CACNA1C: variants seen among roughly 807,000 people sequenced by gnomAD.
CACNA1C encodes the protein calcium voltage-gated channel subunit alpha1 C, also known as voltage-dependent L-type calcium channel subunit alpha-1C.
CACNA1C carries 30 observed loss-of-function variants against 229.0 expected under a neutral mutation model. The ratio of observed to expected loss-of-function variants is 0.13; its 90% CI spans 0.10 to 0.18. CACNA1C has a LOEUF of 0.18. CACNA1C is among the 10% of genes least tolerant of loss of function. The pLI, the probability that CACNA1C is intolerant of heterozygous loss-of-function variation, is 1.00. For synonymous variants in CACNA1C, 1,114 were observed against 1,132.5 expected, an observed-to-expected ratio of 0.98 and a Z score of 0.33; for missense variants, 1,658 against 2,845.0, an observed-to-expected ratio of 0.58 and a Z score of 9.49.
In CACNA1C at chr12:2,034,292, A is replaced by G. The variant is rs2048724056; in HGVS notation, c.139+63091A>G. The stretch of plus-strand genomic sequence containing the variant: ...GATCCAAGGCCGTGTTCCTTTTTGT[A>G]AGCCTCCCTGGTGTGTGGAAGGGAG... On this transcript the variant is annotated intron_variant, in intron 1 of 46. Coordinates refer to the CACNA1C transcript ENST00000682462. This position sits in a 1 kb window ranked among gnomAD's most constrained non-coding sequence, Gnocchi z 4.1. Among the ~76,000 whole-genome samples the G allele has an allele frequency of 6.6e-6, 1 of 152,172 alleles. No individual in the cohort carries two copies. Among genetic ancestry groups the G allele is most frequent in the Non-Finnish European group, 1.5e-5 (1 of 68,028 alleles).
chr12:2,144,872 T>C (rs1373406864), intron 3 of CACNA1C, among the ~76,000 whole-genome samples: 1 of 151,192 alleles, frequency 6.6e-6, no homozygotes, highest in African/African-American at 2.4e-5. Flanking sequence ...CAAATCTTCA[T>C]GGGGAGTAGA....
intron 37 of CACNA1C, 61 bp from the exon 38 acceptor site, chr12:2,668,872 T>G: frequency 9.3e-7 from 1 of 1,079,302 alleles, no homozygotes; most frequent in South Asian, 1.3e-5. Flanking sequence ...TGCCACGGTG[T>G]TCTGCGGTCC....
chr12:2,232,623 C>T (rs1001543700), intron 3 of CACNA1C, among the ~76,000 whole-genome samples: 5 of 152,022 alleles, frequency 3.3e-5, no homozygotes, highest in African/African-American at 7.3e-5. Flanking sequence ...AAGCTTTTGC[C>T]CATAGTTTTA....
chr12:1,999,869 A>G (rs2041792080), intron 1 of CACNA1C, among the ~76,000 whole-genome samples: 1 of 152,252 alleles, frequency 6.6e-6, no homozygotes, highest in Admixed American at 6.5e-5. Flanking sequence ...ACTGTGAAAC[A>G]TATCCTTATT....
chr12:2,222,659 T>C (rs2061774202), intron 3 of CACNA1C, among the ~76,000 whole-genome samples: 1 of 152,196 alleles, frequency 6.6e-6, no homozygotes, highest in Non-Finnish European at 1.5e-5. Flanking sequence ...TTGCCTGGTG[T>C]ACATCTCATG....
intron 32 of CACNA1C, among the ~76,000 whole-genome samples, chr12:2,652,245 G>A (rs1228223368): frequency 6.6e-6 from 1 of 152,198 alleles, no homozygotes; most frequent in African/African-American, 2.4e-5. Flanking sequence ...CTCGGCCAGA[G>A]TCGCAGGACC....
rs138036492 is a variant in CACNA1C at position 2,431,468 on chromosome 12, C to T, written c.478-17508C>T. 1.2e-3 allele frequency among the ~76,000 whole-genome samples: 179 copies of T among 152,264 alleles called. 1 individual carries two copies. Among genetic ancestry groups the T allele is most frequent in the Non-Finnish European group, 1.9e-3 (126 of 68,020 alleles). On this transcript the variant is annotated intron_variant, in intron 3 of 46. Transcript: ENST00000399655. ...TGCCACAGCTTGCTCCTTGCCCTTG[C>T]TATGTTTCCAGAGGGAGAAAAAACA...
At position 2,634,370 on chromosome 12, in the gene CACNA1C, C is replaced by T; in HGVS notation, c.3902C>T (p.Thr1301Ile). 6.4e-7 allele frequency: 1 copy of T among 1,569,116 alleles called. No homozygotes were observed. The highest frequency in any genetic ancestry group is 8.7e-7 in the Non-Finnish European group (1 of 1,151,166). The stretch of plus-strand genomic sequence containing the variant: ...GGTAGCATTGTTGATATAGCAATCA[C>T]CGAGGTAAACGTAAGTACATGGCGT... ...VVGSIVDIAI[T>I]EVNPAEHTQC... Residue 1301 changes from threonine to isoleucine, a missense_variant, in exon 30 of 47, where the codon ACC becomes ATC. Thr to Ile is a moderately conservative substitution (Grantham distance 89). Transcript: ENST00000399655.
At chr12:2,273,454 G>T (rs1240983324) in intron 3 of CACNA1C, among the ~76,000 whole-genome samples, 2 of 152,164 alleles carry the variant, frequency 1.3e-5, no homozygotes, top group African/African-American at 2.4e-5. Flanking sequence ...TACAGGGCTG[G>T]CAGAGAAGAA....
At chr12:2,343,019 AAAAC>A (rs1302597114) in intron 3 of CACNA1C, among the ~76,000 whole-genome samples, 3 of 152,374 alleles carry the variant, frequency 2.0e-5, no homozygotes, top group South Asian at 2.1e-4. Context: ...TAAAAGAGAA[AAAAC>A]AAACAAGCAA....
chr12:2,280,254 CGGTTT>C, intron 3 of CACNA1C, among the ~76,000 whole-genome samples: 1 of 90,890 alleles, frequency 1.1e-5, no homozygotes, highest in Non-Finnish European at 2.0e-5. Flanking sequence ...TGCTGTGCTT[CGGTTT>C]AACCTCTTGA....
rs543167099 is a variant in CACNA1C at position 2,148,798 on chromosome 12, G to A, written c.477+28368G>A. On this transcript the variant is annotated intron_variant, in intron 3 of 46. Coordinates refer to ENST00000399655, the MANE Select transcript of CACNA1C (RefSeq NM_000719.7). ...CGGGCTCAAGCTGTCCTCCTGCCTC[G>A]ACCTCCAAAGTACCCTCCCTCCCTG... Among the ~76,000 whole-genome samples the A allele has an allele frequency of 7.8e-5, 11 of 141,402 alleles. No individual in the cohort carries two copies. The South Asian group carries it at 2.2e-3, about 29-fold the overall frequency. The allele number at this position is 141,402 out of a possible 152,430, so 92.8% of individuals were successfully genotyped here.
At chr12:2,210,513 A>C (rs2097887625) in intron 3 of CACNA1C, among the ~76,000 whole-genome samples, 1 of 152,178 alleles carries the variant, frequency 6.6e-6, no homozygotes, top group Non-Finnish European at 1.5e-5. Flanking sequence ...TCCAACCTGA[A>C]GTCTGGGAAA....
At position 2,348,015 on chromosome 12, in the gene CACNA1C, G is replaced by A. The variant is rs1254377412; in HGVS notation, c.478-100961G>A. 6.6e-6 allele frequency among the ~76,000 whole-genome samples: 1 copy of A among 152,272 alleles called. No homozygotes were observed. The highest frequency in any genetic ancestry group is 1.5e-5 in the Non-Finnish European group (1 of 68,042). On this transcript the variant is annotated intron_variant, in intron 3 of 46. Transcript: ENST00000399655. This position sits in a 1 kb window ranked among gnomAD's most constrained non-coding sequence, Gnocchi z 4.7. Reference sequence around the variant, plus strand: ...AAACAGTCTTTGGTACCTGCTGAGAGAGCCAGTGCCAGCTGGGAAATCTGT... The same window carrying A: ...AAACAGTCTTTGGTACCTGCTGAGAAAGCCAGTGCCAGCTGGGAAATCTGT...
At chr12:2,548,598 AT>A (rs1268302802) in intron 9 of CACNA1C, among the ~76,000 whole-genome samples, 27 of 152,188 alleles carry the variant, frequency 1.8e-4, no homozygotes, top group African/African-American at 5.3e-4. Context: ...TTTTAATTCA[AT>A]TTTATTAAAA....
At chr12:2,183,682 C>T (rs905194897) in intron 3 of CACNA1C, among the ~76,000 whole-genome samples, 2 of 152,100 alleles carry the variant, frequency 1.3e-5, no homozygotes, top group African/African-American at 4.8e-5. Context: ...AGAATGAGGG[C>T]TTGGTAGGCG....
At chr12:2,145,029 A>G (rs1356839606) in intron 3 of CACNA1C, among the ~76,000 whole-genome samples, 2 of 151,270 alleles carry the variant, frequency 1.3e-5, no homozygotes, top group African/African-American at 4.8e-5. Context: ...ACTATATTGG[A>G]GAGATTGTTA....
intron 3 of CACNA1C, among the ~76,000 whole-genome samples, chr12:2,416,300 C>T (rs551892317): frequency 7.2e-5 from 11 of 151,888 alleles, no homozygotes; most frequent in Non-Finnish European, 1.5e-4. Context: ...TGGAAAGTAT[C>T]AGGCACATTG....
At chr12:2,638,482 C>T (rs2093184949) in intron 30 of CACNA1C, among the ~76,000 whole-genome samples, 1 of 152,116 alleles carries the variant, frequency 6.6e-6, no homozygotes, top group Non-Finnish European at 1.5e-5. Context: ...AAGAAGGGGA[C>T]ATACTGGTGG....
Sources: gnomAD v4.1 joint callset for allele counts (sites outside exome capture counted in the v4.1 genomes callset) on GRCh38, gnomAD v4.1.1 for gene constraint, Gnocchi (gnomAD v3.1) non-coding constraint, MANE v1.5 for transcripts, NCBI Gene and HGNC (gene_info 2026-07-23, HGNC 2026-07-21) for gene names.